The following EPM2A variants were observed in gnomAD, a reference collection of about 807,000 sequenced individuals.
EPM2A encodes the protein laforin.
EPM2A carries 21 observed loss-of-function variants against 26.5 expected under a neutral mutation model. The observed-to-expected ratio is 0.79, with a 90% CI of 0.56 to 1.14. The LOEUF is 1.14. EPM2A is among the 50% of genes most tolerant of loss of function. EPM2A has a pLI of 0.00. For synonymous variants in EPM2A, 217 were observed against 177.6 expected (o/e 1.22, Z -1.76); for missense variants, 458 against 440.8 (o/e 1.04, Z -0.35).
chr6:145,524,240 G>A (rs930126121), intron 2 of EPM2A, among the ~76,000 whole-genome samples: 7 of 152,158 alleles, frequency 4.6e-5, no homozygotes, highest in African/African-American at 1.7e-4. Context: ...GTGCTGCAAT[G>A]AACATATGAG....
At chr6:145,498,393 C>T (rs554830875), downstream of EPM2A, among the ~76,000 whole-genome samples, 1 of 152,344 alleles carries the variant, frequency 6.6e-6, no homozygotes, top group African/African-American at 2.4e-5. Context: ...GTTGCAGTCA[C>T]TTTTACCAGG....
chr6:145,717,408 A>T (rs1207156669), intron 1 of EPM2A, among the ~76,000 whole-genome samples: 4 of 152,132 alleles, frequency 2.6e-5, no homozygotes, highest in African/African-American at 9.7e-5. Context: ...CCTTTGACAA[A>T]ATTCAACAAC....
intron 4 of EPM2A, among the ~76,000 whole-genome samples, chr6:145,450,889 T>C (rs1455512212): frequency 6.6e-6 from 1 of 151,166 alleles, no homozygotes; most frequent in African/African-American, 2.4e-5. Flanking sequence ...TTATATACTT[T>C]GTCTTTTTTT....
chr6:145,652,418 C>T (rs1412899355), intron 2 of EPM2A, among the ~76,000 whole-genome samples: 1 of 152,086 alleles, frequency 6.6e-6, no homozygotes, highest in Non-Finnish European at 1.5e-5. Context: ...ATCCTTGTGA[C>T]ACATTAGAAT....
intron 4 of EPM2A, among the ~76,000 whole-genome samples, chr6:145,472,464 G>A (rs1000550721): frequency 6.6e-6 from 1 of 152,010 alleles, no homozygotes; most frequent in African/African-American, 2.4e-5. Context: ...AGGGTCATGG[G>A]GTCCCTAATT....
intron 2 of EPM2A, among the ~76,000 whole-genome samples, chr6:145,573,526 G>C (rs1269527699): frequency 1.3e-5 from 2 of 152,194 alleles, no homozygotes; most frequent in African/African-American, 2.4e-5. Flanking sequence ...AAATGGGAGA[G>C]TTGAACAGGG....
intron 2 of EPM2A, among the ~76,000 whole-genome samples, chr6:145,532,824 C>A (rs1191512649): frequency 6.6e-6 from 1 of 152,196 alleles, no homozygotes. Context: ...CTTGGCCACT[C>A]TTTTCAGGTT....
At chr6:145,414,185 C>T (rs147391596) in intron 4 of EPM2A, among the ~76,000 whole-genome samples, 1 of 152,254 alleles carries the variant, frequency 6.6e-6, no homozygotes, top group East Asian at 1.9e-4. Flanking sequence ...ACAGCCATTC[C>T]CAGTGCAGCC....
chr6:145,597,462 T>C (rs1781361392), intron 2 of EPM2A, among the ~76,000 whole-genome samples: 1 of 146,724 alleles, frequency 6.8e-6, no homozygotes. Flanking sequence ...GTATGTGACC[T>C]GTTTATTTTT....
chr6:145,573,086 G>A (rs1419497029), intron 2 of EPM2A, among the ~76,000 whole-genome samples: 1 of 152,168 alleles, frequency 6.6e-6, no homozygotes, highest in Non-Finnish European at 1.5e-5. Context: ...ACATCCTCTG[G>A]CATGCAAATG....
At chr6:145,490,614 C>A in intron 4 of EPM2A, 1 of 666,236 alleles carries the variant, frequency 1.5e-6, no homozygotes, top group Non-Finnish European at 2.9e-6. Context: ...TCCATGTGCT[C>A]TCCCAAAGAT....
intron 2 of EPM2A, among the ~76,000 whole-genome samples, chr6:145,613,317 T>C (rs559948928): frequency 6.6e-6 from 1 of 152,344 alleles, no homozygotes; most frequent in Admixed American, 6.5e-5. Context: ...CTTGCCATTA[T>C]CTAGCATATC....
At chr6:145,606,081 G>A (rs964894634) in intron 2 of EPM2A, among the ~76,000 whole-genome samples, 2 of 151,898 alleles carry the variant, frequency 1.3e-5, no homozygotes, top group Admixed American at 1.3e-4. Context: ...AAATTATTAT[G>A]CAATTTCACA....
chr6:145,516,690 A>G (rs1458848433), intron 2 of EPM2A, among the ~76,000 whole-genome samples: 1 of 152,166 alleles, frequency 6.6e-6, no homozygotes, highest in Non-Finnish European at 1.5e-5. Flanking sequence ...AAATGAAAGC[A>G]AGTGATAGAC....
chr6:145,457,040 T>C (rs1200897118), intron 4 of EPM2A, among the ~76,000 whole-genome samples: 1 of 152,252 alleles, frequency 6.6e-6, no homozygotes, highest in African/African-American at 2.4e-5. Context: ...TATTATGTGC[T>C]AAGTGAGGTT....
At chr6:145,663,657 C>A (rs1272759792) in intron 2 of EPM2A, among the ~76,000 whole-genome samples, 4 of 148,346 alleles carry the variant, frequency 2.7e-5, no homozygotes, top group African/African-American at 9.9e-5. Flanking sequence ...TCAGGAAATA[C>A]AGAGAACGCC....
chr6:145,683,308 AGTGTG>A (rs1562485445), intron 2 of EPM2A, among the ~76,000 whole-genome samples: 23 of 135,728 alleles, frequency 1.7e-4, no homozygotes, highest in African/African-American at 4.7e-4. Context: ...TGTGTGTGTG[AGTGTG>A]TATATATTAG....
rs1776818861 is a variant in EPM2A, at chr6:145,735,435, C to G, written c.64G>C (p.Val22Leu). 1 of 1,255,066 alleles carries G rather than the reference C, an allele frequency of 8.0e-7. No individual in the cohort carries two copies. The highest frequency in any genetic ancestry group is 1.0e-6 in the Non-Finnish European group (1 of 993,452). The allele number at this position is 1,255,066 out of a possible 1,614,324, so 77.7% of individuals were successfully genotyped here. A position where few individuals can be genotyped will look rare whatever the true frequency, so the allele number is the denominator to read the frequency against. The change falls in exon 1 of 4, where the codon GTG becomes CTG. Residue 22 changes from valine to leucine, a missense_variant. By Grantham distance (32) the Val-to-Leu change is conservative. Transcript: ENST00000367519. ...AVAGARPELL[V>L]VGSRPELGRW... ...CCCAGCTCGGGCCGCGACCCCACCA[C>G]CAGCAGCTCCGGCCGGGCGCCGGCC...
At chr6:145,464,836 A>G (rs754263472) in intron 4 of EPM2A, among the ~76,000 whole-genome samples, 1 of 152,190 alleles carries the variant, frequency 6.6e-6, no homozygotes, top group Non-Finnish European at 1.5e-5. Flanking sequence ...TAAATTATAA[A>G]TAAATCTGCT....
Sources: allele counts gnomAD v4.1 joint callset (sites outside exome capture counted in the v4.1 genomes callset), GRCh38; gene constraint gnomAD v4.1.1; transcripts MANE v1.5; gene names NCBI Gene and HGNC (gene_info 2026-07-23, HGNC 2026-07-21).